BIRC6: variants seen among roughly 807,000 people sequenced by gnomAD.
The protein encoded by BIRC6 is dual E2 ubiquitin-conjugating enzyme/E3 ubiquitin-protein ligase BIRC6.
A neutral mutation model predicts 503.3 loss-of-function variants in BIRC6; 98 were observed. The observed-to-expected ratio is 0.19, with a 90% CI of 0.17 to 0.23. BIRC6 has a LOEUF of 0.23. Ranked by LOEUF, BIRC6 falls within the 10% of genes least tolerant of loss-of-function variation. The pLI, the probability that BIRC6 is intolerant of heterozygous loss-of-function variation, is 1.00. For synonymous variants in BIRC6, 2,240 were observed against 2,078.7 expected, an observed-to-expected ratio of 1.08 and a Z score of -2.11; for missense variants, 5,360 against 5,806.0, an observed-to-expected ratio of 0.92 and a Z score of 2.50.
At position 32,502,876 on chromosome 2, in the gene BIRC6, G is replaced by T. The variant is rs763364160; in HGVS notation, c.9289G>T (p.Ala3097Ser). ...ATTGGATACTAGTGATGCCTTGAAA[G>T]CATTTCATGATATGGGTAAGATAAT... ...RVLDTSDALKAFHDMGGVQLI... is the reference protein window; with the variant it reads ...RVLDTSDALKSFHDMGGVQLI... The change falls in exon 48 of 74, where the codon GCA (alanine) becomes TCA (serine). Residue 3097 changes from alanine to serine, a missense_variant. Coordinates refer to ENST00000421745, the MANE Select transcript of BIRC6 (RefSeq NM_016252.4). 6.2e-7 allele frequency: 1 copy of T among 1,609,552 alleles called. No individual in the cohort carries two copies. Among genetic ancestry groups the T allele is most frequent in the South Asian group, 1.1e-5 (1 of 90,456 alleles).
At position 32,477,603 on chromosome 2, in the gene BIRC6, A is replaced by G. The variant is rs1304321848; in HGVS notation, c.7068+20A>G. 6.2e-7 allele frequency: 1 copy of G among 1,603,212 alleles called. No homozygotes were observed. Among genetic ancestry groups the G allele is most frequent in the Non-Finnish European group, 8.5e-7 (1 of 1,172,108 alleles). On this transcript the variant is annotated intron_variant, in intron 35 of 73. Transcript: ENST00000421745. ...TGTAAGGTATGTAAACTATAAGTGT[A>G]GACTTACAGGGTTGGCCGGGCGCAG...
Position 32,490,081 on chromosome 2 carries a change from C to T in BIRC6, c.8136C>T (p.Pro2712=). 6.2e-7 allele frequency: 1 copy of T among 1,613,460 alleles called. No homozygotes were observed. The highest frequency in any genetic ancestry group is 8.5e-7 in the Non-Finnish European group (1 of 1,179,460). Residue 2712 remains proline, a synonymous_variant, in exon 43 of 74, where the codon CCC becomes CCT. Coordinates refer to ENST00000421745, the MANE Select transcript of BIRC6 (RefSeq NM_016252.4). ...TSFLTVLAWY[P]NTLLRTWCLV... is the part of the protein sequence containing the mutation. ...TTCTCACAGTGTTAGCTTGGTATCC[C>T]AATACTTTGCTCCGGACATGGTGCC...
chr2:32,488,590 G>A lies in BIRC6; in HGVS notation c.7971G>A (p.Leu2657=). 6.6e-7 allele frequency: 1 copy of A among 1,516,998 alleles called. No individual in the cohort carries two copies. The highest frequency in any genetic ancestry group is 1.4e-5 in the African/African-American group (1 of 70,684). The allele number at this position is 1,516,998 out of a possible 1,614,324, so 94.0% of individuals were successfully genotyped here. Residue 2657 remains leucine, a splice_region_variant and synonymous_variant, in exon 42 of 74, where the codon TTG becomes TTA. Coordinates refer to ENST00000421745, the MANE Select transcript of BIRC6 (RefSeq NM_016252.4). ...TGTTGATTTTCATTCTTTTTCAGTT[G>A]GAGTCACTTCTCCAATTGTGGCTCA... ...FSMLQVHHVQ[L]ESLLQLWLTL...
At position 32,499,901 on chromosome 2, in the gene BIRC6, T is replaced by C; in HGVS notation, c.8823T>C (p.Ser2941=). Residue 2941 remains serine (S), a synonymous_variant, in exon 46 of 74, where the codon AGT becomes AGC. Transcript: ENST00000421745. ...CTCTTTCAGGCAATAGGGAATACAG[T>C]GCAAGAGTGTCTGTGACCACAAATA... The part of the protein sequence containing the change: ...QLPLSGNREY[S]ARVSVTTNTT... The C allele has an allele frequency of 6.2e-7, 1 of 1,614,004 alleles. No homozygotes were observed. The highest frequency in any genetic ancestry group is 8.5e-7 in the Non-Finnish European group (1 of 1,179,888).
intron 1 of BIRC6, among the ~76,000 whole-genome samples, chr2:32,377,255 A>G (rs898186985): frequency 6.7e-6 from 1 of 148,744 alleles, no homozygotes; most frequent in Admixed American, 6.7e-5. Flanking sequence ...GTGTGTATAC[A>G]CATCATATTT....
At chr2:32,401,662 C>T in intron 8 of BIRC6, 39 bp downstream of exon 8, 1 of 1,531,262 alleles carries the variant, frequency 6.5e-7, no homozygotes, top group Admixed American at 2.1e-5. Context: ...ATAGATGTTA[C>T]ATGTTTTCCT....
At chr2:32,467,875 T>C in intron 27 of BIRC6, 28 bp from the exon 28 acceptor site, 1 of 1,548,828 alleles carries the variant, frequency 6.5e-7, no homozygotes, top group Non-Finnish European at 8.8e-7. Flanking sequence ...GATGTGTATA[T>C]ATGTATATTT....
At chr2:32,548,148 C>G (rs11124284) in intron 64 of BIRC6, 134 bp downstream of exon 64, 2 of 684,626 alleles carry the variant, frequency 2.9e-6, no homozygotes, top group African/African-American at 1.8e-5. Context: ...CCAGTGCATT[C>G]TAAGATACCA....
intron 3 of BIRC6, among the ~76,000 whole-genome samples, chr2:32,382,303 A>G (rs1330300657): frequency 1.3e-5 from 2 of 152,232 alleles, no homozygotes; most frequent in Non-Finnish European, 2.9e-5. Context: ...TACTTGACTG[A>G]TGGTAGTACC....
chr2:32,458,301 T>G (rs2047465135), intron 23 of BIRC6, among the ~76,000 whole-genome samples: 2 of 152,200 alleles, frequency 1.3e-5, no homozygotes, highest in Admixed American at 6.5e-5. Context: ...TTCTTGAATC[T>G]TTAGTTGATA....
chr2:32,360,435 A>G (rs2033881370), intron 1 of BIRC6, among the ~76,000 whole-genome samples: 1 of 152,192 alleles, frequency 6.6e-6, no homozygotes, highest in African/African-American at 2.4e-5. Context: ...TTTAAGAGTG[A>G]AGATTTTTGA....
At chr2:32,555,219 TAA>T (rs1338085390) in intron 65 of BIRC6, among the ~76,000 whole-genome samples, 1 of 152,188 alleles carries the variant, frequency 6.6e-6, no homozygotes, top group Non-Finnish European at 1.5e-5. Context: ...ACTGTTTTAA[TAA>T]AGAGTCTGGG....
At chr2:32,552,283 A>G (rs2058479452) in intron 65 of BIRC6, among the ~76,000 whole-genome samples, 1 of 152,240 alleles carries the variant, frequency 6.6e-6, no homozygotes, top group African/African-American at 2.4e-5. Context: ...GATGAATACC[A>G]GAGTCTGCTC....
intron 1 of BIRC6, among the ~76,000 whole-genome samples, chr2:32,362,098 A>G (rs1267032266): frequency 6.6e-6 from 1 of 152,202 alleles, no homozygotes; most frequent in East Asian, 1.9e-4. Context: ...TACTTTTGTA[A>G]GAAACTGACA....
chr2:32,366,124 G>A (rs1056305202), intron 1 of BIRC6, among the ~76,000 whole-genome samples: 4 of 152,128 alleles, frequency 2.6e-5, no homozygotes, highest in Non-Finnish European at 5.9e-5. Context: ...ACCTGCTTCG[G>A]TCTCCCAAAG....
intron 65 of BIRC6, chr2:32,557,494 C>T (rs1282797410): frequency 6.6e-6 from 1 of 151,860 alleles, no homozygotes; most frequent in Non-Finnish European, 1.5e-5. Context: ...TGTTTTTTTC[C>T]TCTGTGTAAA....
intron 40 of BIRC6, among the ~76,000 whole-genome samples, chr2:32,487,330 T>C (rs2051118713): frequency 6.6e-6 from 1 of 152,188 alleles, no homozygotes; most frequent in South Asian, 2.1e-4. Flanking sequence ...TCAGGAGTCT[T>C]ATTTCTTTCC....
At chr2:32,594,981 A>T (rs1223683024) in intron 67 of BIRC6, 53 bp from the exon 68 acceptor site, 1 of 1,132,610 alleles carries the variant, frequency 8.8e-7, no homozygotes. Flanking sequence ...TTTATTTTTT[A>T]AAATATATAC....
chr2:32,504,666 G>GA (rs1036277676), intron 49 of BIRC6, among the ~76,000 whole-genome samples: 6 of 151,192 alleles, frequency 4.0e-5, no homozygotes, highest in African/African-American at 1.5e-4. Flanking sequence ...GACTCCATCT[G>GA]AAAAATAAAT....
Sources: gnomAD v4.1 joint callset for allele counts (sites outside exome capture counted in the v4.1 genomes callset) on GRCh38, gnomAD v4.1.1 for gene constraint, MANE v1.5 for transcripts, NCBI Gene and HGNC (gene_info 2026-07-23, HGNC 2026-07-21) for gene names.